VEGFD: variants seen among roughly 807,000 people sequenced by gnomAD.
VEGFD encodes the protein c-fos induced growth factor (vascular endothelial growth factor D).
Under a neutral mutation model 28.0 loss-of-function variants are expected in VEGFD, and 26 were observed. The observed-to-expected ratio is 0.93, with a 90% CI of 0.68 to 1.29. The LOEUF (loss-of-function observed/expected upper bound fraction) is 1.29, where lower values mean the gene tolerates loss of function less well. Among genes scored for constraint, VEGFD ranks in the 50% most tolerant of loss-of-function variants. The pLI, the probability that VEGFD is intolerant of heterozygous loss-of-function variation, is 0.00. For synonymous variants in VEGFD, 93 were observed against 95.5 expected, an observed-to-expected ratio of 0.97 and a Z score of 0.15; for missense variants, 294 against 273.4, an observed-to-expected ratio of 1.08 and a Z score of -0.53.
At chrX:15,369,757 T>C (rs1219258061) in intron 1 of VEGFD, among the ~76,000 whole-genome samples, 1 of 111,501 alleles carries the variant, frequency 9.0e-6, no homozygotes, top group Non-Finnish European at 1.9e-5. Flanking sequence ...ATGATAGCTA[T>C]ACAACTCAGT....
chrX:15,377,656 G>A (rs1022495700), intron 1 of VEGFD, among the ~76,000 whole-genome samples: 1 of 112,125 alleles, frequency 8.9e-6, no homozygotes, highest in Non-Finnish European at 1.9e-5. Context: ...CTGAGCGCAT[G>A]GTGGGATTGC....
intron 1 of VEGFD, among the ~76,000 whole-genome samples, chrX:15,373,587 G>C (rs1312738285): frequency 9.0e-6 from 1 of 111,674 alleles, no homozygotes; most frequent in Non-Finnish European, 1.9e-5. Context: ...GTGAGTTATG[G>C]AAGGGACACA....
In VEGFD at chrX:15,373,594, C is replaced by A. The variant is rs1001122473; in HGVS notation, c.90+10263G>T. On this transcript the variant is annotated intron_variant, in intron 1 of 6. Coordinates refer to ENST00000297904, the MANE Select transcript of VEGFD (RefSeq NM_004469.5). ...GCTTTAGGGTGAGTTATGGAAGGGA[C>A]ACATTTTACACAACTTTCCCTAGAT... Among the ~76,000 whole-genome samples, 6 of 111,618 alleles carry A rather than the reference C, an allele frequency of 5.4e-5. No individual in the cohort carries two copies. In the South Asian group the frequency reaches 1.5e-3, roughly 28 times the overall value.
rs1922543401 is a variant in VEGFD, at chrX:15,346,197, T to G, written c.1001A>C (p.Lys334Thr). 8.3e-7 allele frequency: 1 copy of G among 1,209,766 alleles called. No individual in the cohort carries two copies. Among genetic ancestry groups the G allele is most frequent in the African/African-American group, 1.7e-5 (1 of 57,340 alleles). Residue 334 changes from lysine to threonine, a missense_variant, in exon 7 of 7, where the codon AAG (lysine) becomes ACG (threonine). Coordinates refer to ENST00000297904, the MANE Select transcript of VEGFD (RefSeq NM_004469.5). ...PCASGKTACAKHCRFPKEKRA... is the reference protein window; with the variant it reads ...PCASGKTACATHCRFPKEKRA... Reference sequence around the variant, plus strand: ...TTTCTCCTTTGGAAAGCGGCAATGCTTTGCACATGCTGTTTTGCCACTTGC... The same window carrying G: ...TTTCTCCTTTGGAAAGCGGCAATGCGTTGCACATGCTGTTTTGCCACTTGC...
chrX:15,376,533 A>G (rs987910512), intron 1 of VEGFD, among the ~76,000 whole-genome samples: 3 of 112,426 alleles, frequency 2.7e-5, no homozygotes, highest in African/African-American at 9.7e-5. Flanking sequence ...TGGATGGGAA[A>G]AAGGATCCTT....
chrX:15,361,860 TG>T (rs1185988755), intron 2 of VEGFD, among the ~76,000 whole-genome samples: 6 of 111,472 alleles, frequency 5.4e-5, no homozygotes, highest in African/African-American at 2.0e-4. Flanking sequence ...TTTTTTGTTT[TG>T]TTTTGTTTTG....
intron 1 of VEGFD, among the ~76,000 whole-genome samples, chrX:15,375,720 T>G (rs983416418): frequency 8.9e-6 from 1 of 112,027 alleles, no homozygotes; most frequent in Middle Eastern, 4.7e-3. Context: ...TGTATGTGTG[T>G]GTGCGTGTGC....
chrX:15,354,103 G>A lies in VEGFD; in HGVS notation c.642-935C>T, dbSNP rs1342221230. Among the ~76,000 whole-genome samples the A allele has an allele frequency of 2.8e-5, 3 of 107,359 alleles. No individual in the cohort carries two copies. In the South Asian group the frequency reaches 1.3e-3, roughly 46 times the overall value. The allele number at this position is 107,359 out of a possible 115,157, so 93.2% of individuals were successfully genotyped here. ...CCTGCCTCAGCCTCCCAAGTAACTG[G>A]GACTACAGGCACCCACCACCACACC... On this transcript the variant is annotated intron_variant, in intron 4 of 6. Transcript: ENST00000297904.
At chrX:15,349,323 T>C (rs1304635142) in intron 5 of VEGFD, among the ~76,000 whole-genome samples, 1 of 112,749 alleles carries the variant, frequency 8.9e-6, no homozygotes, top group Non-Finnish European at 1.9e-5. Flanking sequence ...TTGCAGAACT[T>C]CAGCAGGCTG....
rs59691301 is a variant in VEGFD at position 15,367,974 on chromosome X, G to GAA, written c.91-4657_91-4656dup. 7.0e-4 allele frequency among the ~76,000 whole-genome samples: 39 copies of GAA among 55,897 alleles called. No individual in the cohort carries two copies. The East Asian group carries it at 0.011, about 16-fold the overall frequency. The allele number at this position is 55,897 out of a possible 115,157, so 48.5% of individuals were successfully genotyped here. A position where few individuals can be genotyped will look rare whatever the true frequency, so the allele number is the denominator to read the frequency against. On this transcript the variant is annotated intron_variant, in intron 1 of 6. Transcript: ENST00000297904. ...CTTGAAAAAGAAAGAAAGAAAGAAAGAAAGAAAAAGAAAAAGAAAGAAAGA... is the reference window on the plus strand; with the variant it reads ...CTTGAAAAAGAAAGAAAGAAAGAAAGAAAAAGAAAAAGAAAAAGAAAGAAAGA...
At chrX:15,383,503 A>G (rs1923637642) in intron 1 of VEGFD, among the ~76,000 whole-genome samples, 1 of 112,405 alleles carries the variant, frequency 8.9e-6, no homozygotes, top group African/African-American at 3.2e-5. Context: ...AATGGCCCAC[A>G]AAGTTATCAG....
intron 5 of VEGFD, among the ~76,000 whole-genome samples, chrX:15,352,033 T>C (rs1381682780): frequency 8.9e-6 from 1 of 111,983 alleles, no homozygotes; most frequent in Non-Finnish European, 1.9e-5. Flanking sequence ...ATGTATGTTC[T>C]GGTAGAGGAT....
At chrX:15,380,899 C>G (rs774003993) in intron 1 of VEGFD, among the ~76,000 whole-genome samples, 1 of 112,517 alleles carries the variant, frequency 8.9e-6, no homozygotes, top group East Asian at 2.8e-4. Context: ...ATATGACTGT[C>G]TGAGCTGTAT....
chrX:15,371,797 G>T (rs1033453496), intron 1 of VEGFD, among the ~76,000 whole-genome samples: 17 of 112,300 alleles, frequency 1.5e-4, no homozygotes, highest in Middle Eastern at 8.4e-3. Flanking sequence ...TAGCGCCATT[G>T]AACCTGGGTA....
Position 15,383,999 on chromosome X carries a change from G to A in VEGFD, c.-53C>T. On this transcript the variant is annotated 5_prime_UTR_variant, in exon 1 of 7. Coordinates refer to ENST00000297904, the MANE Select transcript of VEGFD (RefSeq NM_004469.5). ...CTAAGCAGTTGACATCAGGCAGCTA[G>A]AGAAAATTGTTTCAAAAGGCATTCT... The A allele has an allele frequency of 1.0e-6, 1 of 967,406 alleles. No homozygotes were observed. The highest frequency in any genetic ancestry group is 1.5e-6 in the Non-Finnish European group (1 of 679,156). The allele number at this position is 967,406 out of a possible 1,213,427, so 79.7% of individuals were successfully genotyped here.
At chrX:15,351,755 T>C (rs1203371215) in intron 5 of VEGFD, among the ~76,000 whole-genome samples, 5 of 112,518 alleles carry the variant, frequency 4.4e-5, no homozygotes, top group Non-Finnish European at 9.4e-5. Context: ...GCACAAAGAA[T>C]GTAGGCTAGC....
chrX:15,372,387 C>T (rs747253742), intron 1 of VEGFD, among the ~76,000 whole-genome samples: 4 of 110,567 alleles, frequency 3.6e-5, no homozygotes, highest in African/African-American at 1.3e-4. Context: ...ATACAATTTA[C>T]AATACATGTA....
chrX:15,377,500 C>T (rs1432404979), intron 1 of VEGFD, among the ~76,000 whole-genome samples: 1 of 112,296 alleles, frequency 8.9e-6, no homozygotes, highest in African/African-American at 3.2e-5. Flanking sequence ...AATTCATTTT[C>T]CAGCACTGCT....
intron 1 of VEGFD, among the ~76,000 whole-genome samples, chrX:15,366,474 C>T (rs775280151): frequency 4.5e-5 from 5 of 111,693 alleles, no homozygotes; most frequent in African/African-American, 1.6e-4. Context: ...ATTATATTAA[C>T]GTGATTTGGA....
Sources: allele counts gnomAD v4.1 joint callset (sites outside exome capture counted in the v4.1 genomes callset), GRCh38; gene constraint gnomAD v4.1.1; transcripts MANE v1.5; gene names NCBI Gene and HGNC (gene_info 2026-07-23, HGNC 2026-07-21).